The following TTLL1 variants were observed in gnomAD, a reference collection of about 807,000 sequenced individuals.
The protein encoded by TTLL1 is TTL family tubulin polyglutamylase complex subunit L1, also known as polyglutamylase complex subunit TTLL1.
TTLL1 carries 33 observed loss-of-function variants against 47.8 expected under a neutral mutation model. The observed-to-expected ratio is 0.69, with a 90% CI of 0.52 to 0.92. The LOEUF (loss-of-function observed/expected upper bound fraction) is 0.92, where lower values mean the gene tolerates loss of function less well. Ranked by LOEUF, TTLL1 falls within the 40% of genes least tolerant of loss-of-function variation. The pLI is 0.00. For missense variants in TTLL1, 488 were observed against 547.5 expected, an observed-to-expected ratio of 0.89 and a Z score of 1.08; for synonymous variants, 225 against 214.1, an observed-to-expected ratio of 1.05 and a Z score of -0.45.
chr22:43,071,344 T>C (rs1161910176), intron 3 of TTLL1, among the ~76,000 whole-genome samples: 1 of 152,208 alleles, frequency 6.6e-6, no homozygotes, highest in Non-Finnish European at 1.5e-5. Context: ...TTTTTCAAAA[T>C]AAAGAGCTGG....
chr22:43,055,615 A>G (rs1015668947), intron 8 of TTLL1, among the ~76,000 whole-genome samples: 1 of 151,612 alleles, frequency 6.6e-6, no homozygotes, highest in Admixed American at 6.6e-5. Context: ...ACAGGTGTGC[A>G]CCAACACATT....
intron 8 of TTLL1, among the ~76,000 whole-genome samples, chr22:43,056,851 G>C (rs556041445): frequency 6.6e-6 from 1 of 152,176 alleles, no homozygotes; most frequent in South Asian, 2.1e-4. Flanking sequence ...GGAGTGCATT[G>C]GCGTGATCGT....
intron 10 of TTLL1, among the ~76,000 whole-genome samples, chr22:43,044,107 C>T (rs886219805): frequency 1.3e-5 from 2 of 152,070 alleles, no homozygotes; most frequent in Admixed American, 6.6e-5. Flanking sequence ...CCCCGAGAGA[C>T]TGCCACCCAC....
In TTLL1 at chr22:43,059,514, T is replaced by G; in HGVS notation, c.761A>C (p.His254Pro). 2.5e-6 allele frequency: 4 copies of G among 1,613,470 alleles called. No individual in the cohort carries two copies. Among genetic ancestry groups the G allele is most frequent in the Non-Finnish European group, 3.4e-6 (4 of 1,179,736 alleles). The change falls in exon 8 of 11, where the codon CAC (histidine) becomes CCC (proline). Residue 254 changes from histidine to proline, a missense_variant. Coordinates refer to ENST00000266254, the MANE Select transcript of TTLL1 (RefSeq NM_012263.5). ...AIQKHGEDYN[H>P]IHGGKWTVSN... The stretch of plus-strand genomic sequence containing the variant: ...CACTGTCCACTTGCCCCCATGGATG[T>G]GGTTGTAGTCCTCCTGGTGACGGGA...
intron 1 of TTLL1, among the ~76,000 whole-genome samples, chr22:43,081,251 G>C (rs959723451): frequency 6.6e-6 from 1 of 151,876 alleles, no homozygotes; most frequent in Non-Finnish European, 1.5e-5. Flanking sequence ...GTGGGCATGC[G>C]CATCAAAGCC....
intron 5 of TTLL1, among the ~76,000 whole-genome samples, chr22:43,067,023 G>C (rs375056304): frequency 6.6e-6 from 1 of 152,044 alleles, no homozygotes; most frequent in African/African-American, 2.4e-5. Flanking sequence ...GCTATAAAAT[G>C]AGAAGGTGTC....
intron 8 of TTLL1, 55 bp from the exon 9 acceptor site, chr22:43,051,942 G>T: frequency 6.5e-7 from 1 of 1,537,158 alleles, no homozygotes. Flanking sequence ...GCGCAGCCGA[G>T]ACCAACGCCA....
chr22:43,069,374 A>G (rs1927958969), intron 4 of TTLL1, among the ~76,000 whole-genome samples: 1 of 145,978 alleles, frequency 6.9e-6, no homozygotes, highest in Non-Finnish European at 1.5e-5. Flanking sequence ...CCTGGATGAC[A>G]GAGTGAGATT....
At chr22:43,085,326 T>C (rs1051861407) in intron 1 of TTLL1, among the ~76,000 whole-genome samples, 1 of 152,162 alleles carries the variant, frequency 6.6e-6, no homozygotes, top group African/African-American at 2.4e-5. Context: ...GGTGGGGTAG[T>C]TTATGAATAT....
intron 1 of TTLL1, among the ~76,000 whole-genome samples, chr22:43,086,069 G>A (rs995902093): frequency 2.0e-5 from 3 of 152,146 alleles, no homozygotes; most frequent in Non-Finnish European, 2.9e-5. Flanking sequence ...ATACTAAGCC[G>A]TTTTCCTTAG....
chr22:43,043,683 G>A (rs939264116), intron 10 of TTLL1, among the ~76,000 whole-genome samples: 1 of 152,056 alleles, frequency 6.6e-6, no homozygotes, highest in African/African-American at 2.4e-5. Flanking sequence ...GCTCCTGCGA[G>A]ACGCTGCTTC....
Position 43,075,482 on chromosome 22 carries a change from A to G in TTLL1, c.105T>C (p.Asn35=), listed in dbSNP as rs1433859986. 1 of 1,614,118 alleles carries G rather than the reference A, an allele frequency of 6.2e-7. No individual in the cohort carries two copies. Among genetic ancestry groups the G allele is most frequent in the East Asian group, 2.2e-5 (1 of 44,876 alleles). ...WVQVTENEDW[N]FYWMSVQTIR... ...CTGCTGTGTATGCTTACCAGTAAAAATTCCAGTCCTCGTTTTCTGTCACTT... is the reference window on the plus strand; with the variant it reads ...CTGCTGTGTATGCTTACCAGTAAAAGTTCCAGTCCTCGTTTTCTGTCACTT... The change falls in exon 3 of 11, where the codon AAT becomes AAC. Residue 35 remains asparagine, a synonymous_variant. Coordinates refer to ENST00000266254, the MANE Select transcript of TTLL1 (RefSeq NM_012263.5).
rs141695707 is a variant in TTLL1 at position 43,060,453 on chromosome 22, G to T, written c.748-926C>A. Among the ~76,000 whole-genome samples, 106 of 152,212 alleles carry T rather than the reference G, an allele frequency of 7.0e-4. 2 individuals carry two copies. The East Asian group carries it at 0.013, about 19-fold the overall frequency. Reference sequence around the variant, plus strand: ...GCCTCCACTGCAGCAACATCAGCTTGCCGACTTCTACCTCAGAGTCTTTCC... The same window carrying T: ...GCCTCCACTGCAGCAACATCAGCTTTCCGACTTCTACCTCAGAGTCTTTCC... On this transcript the variant is annotated intron_variant, in intron 7 of 10. Coordinates refer to ENST00000266254, the MANE Select transcript of TTLL1 (RefSeq NM_012263.5).
At chr22:43,061,813 C>T (rs1017554472) in intron 7 of TTLL1, among the ~76,000 whole-genome samples, 1 of 152,188 alleles carries the variant, frequency 6.6e-6, no homozygotes, top group Non-Finnish European at 1.5e-5. Flanking sequence ...GTTGTACCTA[C>T]TACTATGGAA....
intron 8 of TTLL1, among the ~76,000 whole-genome samples, chr22:43,056,946 C>T (rs1927056794): frequency 6.6e-6 from 1 of 152,136 alleles, no homozygotes. Context: ...GTATGTGCCA[C>T]CACGCCCGGC....
rs149584241 is a variant in TTLL1 at position 43,068,585 on chromosome 22, C to T, written c.328G>A (p.Val110Ile). The change falls in exon 5 of 11, where the codon GTT (valine) becomes ATT (isoleucine). Residue 110 changes from valine to isoleucine, a missense_variant. Coordinates refer to ENST00000266254, the MANE Select transcript of TTLL1 (RefSeq NM_012263.5). ...ENGKYLYLDF[V>I]PVTYMLPADY... ...GCGGGCAGCATATAGGTGACTGGAA[C>T]AAAGTCTGCAAGGCAAAGACACCCA... The T allele has an allele frequency of 9.1e-5, 135 of 1,480,442 alleles. No homozygotes were observed. The highest frequency in any genetic ancestry group is 1.2e-4 in the Non-Finnish European group (129 of 1,096,776). The allele number at this position is 1,480,442 out of a possible 1,614,324, so 91.7% of individuals were successfully genotyped here. A position where few individuals can be genotyped will look rare whatever the true frequency, so the allele number is the denominator to read the frequency against.
chr22:43,082,150 A>AC (rs1928939800), intron 1 of TTLL1, among the ~76,000 whole-genome samples: 1 of 141,228 alleles, frequency 7.1e-6, no homozygotes, highest in South Asian at 2.2e-4. Context: ...CCGCACCTGG[A>AC]CCCCTTCCAT....
intron 4 of TTLL1, among the ~76,000 whole-genome samples, chr22:43,069,123 T>C (rs964251191): frequency 6.8e-6 from 1 of 146,532 alleles, no homozygotes; most frequent in Non-Finnish European, 1.5e-5. Flanking sequence ...ACGTCTATAA[T>C]CCCAGCACTT....
At chr22:43,072,614 G>C (rs60666630) in intron 3 of TTLL1, among the ~76,000 whole-genome samples, 1 of 152,234 alleles carries the variant, frequency 6.6e-6, no homozygotes, top group East Asian at 1.9e-4. Context: ...TGGGGCTACA[G>C]GCACGAACCA....
Sources: allele counts gnomAD v4.1 joint callset (sites outside exome capture counted in the v4.1 genomes callset), GRCh38; gene constraint gnomAD v4.1.1; transcripts MANE v1.5; gene names NCBI Gene and HGNC (gene_info 2026-07-23, HGNC 2026-07-21).